Variants in TENM1 observed in about 807,000 individuals in gnomAD.
The protein encoded by TENM1 is teneurin transmembrane protein 1.
Under a neutral mutation model 174.8 loss-of-function variants are expected in TENM1, and 35 were observed. The observed-to-expected ratio is 0.20, with a 90% confidence interval of 0.15 to 0.27. TENM1 has a LOEUF of 0.27. TENM1 is among the 10% of genes least tolerant of loss of function. The probability of loss-of-function intolerance (pLI) is 1.00; values close to 1 mark genes in which losing one functional copy is unlikely to be tolerated. For synonymous variants in TENM1, 781 were observed against 798.7 expected, an observed-to-expected ratio of 0.98 and a Z score of 0.37; for missense variants, 1,633 against 2,130.1, an observed-to-expected ratio of 0.77 and a Z score of 4.59.
At chrX:124,427,031 C>A (rs1320593931) in intron 23 of TENM1, among the ~76,000 whole-genome samples, 5 of 111,787 alleles carry the variant, frequency 4.5e-5, no homozygotes, top group African/African-American at 1.6e-4. Flanking sequence ...ACTGGTCCTA[C>A]GGAGCATAGT....
At chrX:124,402,268 A>G (rs2060408754) in intron 27 of TENM1, among the ~76,000 whole-genome samples, 2 of 112,268 alleles carry the variant, frequency 1.8e-5, no homozygotes, top group Non-Finnish European at 3.8e-5. Context: ...TGTTATTGTT[A>G]TTAGACTTCT....
intron 3 of TENM1, among the ~76,000 whole-genome samples, chrX:124,755,438 A>G (rs1211865581): frequency 9.0e-6 from 1 of 110,814 alleles, no homozygotes; most frequent in Non-Finnish European, 1.9e-5. Context: ...TTGACTCTTT[A>G]TCCAATTTGC....
the TENM1 span, among the ~76,000 whole-genome samples, chrX:125,184,806 G>GA: frequency 6.3e-5 from 7 of 110,746 alleles, no homozygotes; most frequent in South Asian, 3.8e-4. Context: ...GTAGCAAAGG[G>GA]AAAAAAAATC....
rs56962688 is a variant in TENM1, at chrX:124,676,257, AATAT to A, written c.1016-4426_1016-4423del. 9.4e-3 allele frequency among the ~76,000 whole-genome samples: 215 copies of A among 22,864 alleles called. 7 individuals carry two copies. Among genetic ancestry groups the A allele is most frequent in the Non-Finnish European group, 0.015 (138 of 9,091 alleles). 19.9% of individuals were successfully genotyped at this position (22,864 alleles called of 115,157 possible). On this transcript the variant is annotated intron_variant, in intron 5 of 31. Coordinates refer to ENST00000422452, the Ensembl canonical transcript of TENM1. ...TTACTGTTCCCTAAGACATATATAA[AATAT>A]ATATATATATATATATATATATATA...
intron 23 of TENM1, among the ~76,000 whole-genome samples, chrX:124,446,885 A>C (rs1428990523): frequency 8.9e-6 from 1 of 112,329 alleles, no homozygotes; most frequent in African/African-American, 3.2e-5. Flanking sequence ...ATTTTTAAAA[A>C]TATATGATGC....
chrX:124,746,391 C>T (rs1324587959), intron 3 of TENM1, among the ~76,000 whole-genome samples: 1 of 111,520 alleles, frequency 9.0e-6, no homozygotes, highest in Non-Finnish European at 1.9e-5. Flanking sequence ...TTCAACATGG[C>T]ATTTTAGTGA....
chrX:124,516,836 G>T (rs1569535778), intron 18 of TENM1, among the ~76,000 whole-genome samples: 2 of 111,501 alleles, frequency 1.8e-5, no homozygotes, highest in Non-Finnish European at 3.8e-5. Flanking sequence ...CTACTATAAA[G>T]ACATATGTAC....
At chrX:125,007,276 CAG>C in the TENM1 span, among the ~76,000 whole-genome samples, 5 of 109,418 alleles carry the variant, frequency 4.6e-5, no homozygotes, top group Non-Finnish European at 5.7e-5. Flanking sequence ...GAAAGGATAT[CAG>C]AGTTTGAAGA....
chrX:124,570,692 T>C (rs189430937), intron 11 of TENM1, among the ~76,000 whole-genome samples: 115 of 111,874 alleles, frequency 1.0e-3, no homozygotes, highest in African/African-American at 3.6e-3. Flanking sequence ...AAACTAAGAC[T>C]AAAAGGAAAT....
At chrX:125,099,706 C>T in the TENM1 span, among the ~76,000 whole-genome samples, 7,846 of 111,133 alleles carry the variant, frequency 0.071, 213 homozygotes, top group Middle Eastern at 0.15. Flanking sequence ...ATATCAGAAA[C>T]TTTTTAAAGG....
chrX:125,132,435 T>A, the TENM1 span, among the ~76,000 whole-genome samples: 2 of 111,624 alleles, frequency 1.8e-5, no homozygotes, highest in East Asian at 2.8e-4. Context: ...CTTCTACTTA[T>A]GCACATTGAC....
chrX:124,599,035 C>A (rs973885798), intron 11 of TENM1, among the ~76,000 whole-genome samples: 4 of 111,330 alleles, frequency 3.6e-5, no homozygotes, highest in Non-Finnish European at 7.6e-5. Flanking sequence ...TATACACCTA[C>A]TTAGGATGTA....
At chrX:124,973,532 A>G in the TENM1 span, among the ~76,000 whole-genome samples, 2 of 111,728 alleles carry the variant, frequency 1.8e-5, no homozygotes, top group Admixed American at 9.5e-5. Context: ...CTTCGTATCC[A>G]TGAGCATGGA....
At chrX:124,564,593 C>T (rs1419893734) in intron 12 of TENM1, among the ~76,000 whole-genome samples, 1 of 111,632 alleles carries the variant, frequency 9.0e-6, no homozygotes, top group Non-Finnish European at 1.9e-5. Flanking sequence ...GTATTAATGA[C>T]AACCTTTCTA....
intron 3 of TENM1, among the ~76,000 whole-genome samples, chrX:124,849,181 T>C (rs1470178266): frequency 9.0e-6 from 1 of 111,324 alleles, no homozygotes; most frequent in African/African-American, 3.3e-5. Context: ...CTCTTAAGAC[T>C]TAGGCCAGTG....
At chrX:124,996,748 G>GT in the TENM1 span, among the ~76,000 whole-genome samples, 3 of 111,083 alleles carry the variant, frequency 2.7e-5, no homozygotes, top group African/African-American at 9.8e-5. Flanking sequence ...GCATAGATCA[G>GT]TAAGTGTTTT....
At chrX:124,904,081 GTGTC>G (rs1282308320) in intron 1 of TENM1, among the ~76,000 whole-genome samples, 1 of 110,975 alleles carries the variant, frequency 9.0e-6, no homozygotes, top group Non-Finnish European at 1.9e-5. Context: ...GTGTGTGTGT[GTGTC>G]TGAAATTTTA....
At chrX:125,128,226 A>G in the TENM1 span, among the ~76,000 whole-genome samples, 3 of 111,621 alleles carry the variant, frequency 2.7e-5, no homozygotes, top group Non-Finnish European at 3.8e-5. Flanking sequence ...CATTCACTAT[A>G]GCAATGAAAT....
At chrX:124,464,735 C>T (rs751739936) in intron 22 of TENM1, among the ~76,000 whole-genome samples, 5 of 111,804 alleles carry the variant, frequency 4.5e-5, no homozygotes, top group East Asian at 5.6e-4. Flanking sequence ...AATATGACAG[C>T]GGAACAAAAA....
Sources: allele counts gnomAD v4.1 joint callset (sites outside exome capture counted in the v4.1 genomes callset), GRCh38; gene constraint gnomAD v4.1.1; transcripts MANE v1.5; gene names NCBI Gene and HGNC (gene_info 2026-07-23, HGNC 2026-07-21).